Variants in RIOK1 observed in about 807,000 individuals in gnomAD.
The protein encoded by RIOK1 is serine/threonine-protein kinase RIO1.
Under a neutral mutation model 73.5 loss-of-function variants are expected in RIOK1, and 66 were observed. The ratio of observed to expected loss-of-function variants is 0.90; its 90% CI spans 0.74 to 1.10. The LOEUF (loss-of-function observed/expected upper bound fraction) is 1.10, where lower values mean the gene tolerates loss of function less well. RIOK1 is among the 50% of genes least tolerant of loss of function. RIOK1 has a pLI of 0.00. For missense variants in RIOK1, 658 were observed against 699.8 expected (o/e 0.94, Z 0.67); for synonymous variants, 224 against 226.8 (o/e 0.99, Z 0.11).
intron 13 of RIOK1, among the ~76,000 whole-genome samples, 170 bp from the exon 14 acceptor site, chr6:7,411,162 G>A (rs994554342): frequency 2.0e-5 from 3 of 152,004 alleles, no homozygotes; most frequent in Non-Finnish European, 4.4e-5. Flanking sequence ...GTTACTTTTG[G>A]GACACCACAT....
intron 9 of RIOK1, among the ~76,000 whole-genome samples, 192 bp downstream of exon 9, chr6:7,404,219 C>A (rs529558178): frequency 1.3e-5 from 2 of 152,170 alleles, no homozygotes; most frequent in East Asian, 3.9e-4. Context: ...GCAAGTTAGT[C>A]CTGTGTTGGA....
intron 5 of RIOK1, 124 bp from the exon 6 acceptor site, chr6:7,400,834 T>G (rs1761593554): frequency 1.7e-6 from 1 of 589,022 alleles, no homozygotes; most frequent in Admixed American, 3.5e-5. Context: ...ATAGTGACTC[T>G]CATTTAGTCA....
intron 3 of RIOK1, among the ~76,000 whole-genome samples, chr6:7,396,460 A>G (rs530608117): frequency 1.3e-5 from 2 of 152,358 alleles, no homozygotes; most frequent in African/African-American, 4.8e-5. Flanking sequence ...TTCTGCATCT[A>G]GAATTCTGTG....
intron 15 of RIOK1, 107 bp from the exon 16 acceptor site, chr6:7,414,131 A>G (rs548942475): frequency 2.1e-6 from 2 of 964,150 alleles, no homozygotes; most frequent in South Asian, 3.6e-5. Flanking sequence ...TTTTTAACAT[A>G]TATTTGCGAG....
intron 10 of RIOK1, 66 bp downstream of exon 10, chr6:7,404,621 AAATCCC>A: frequency 6.4e-7 from 1 of 1,560,684 alleles, no homozygotes; most frequent in South Asian, 1.1e-5. Context: ...ATGATAAACA[AAATCCC>A]AATCCAAGAA....
intron 15 of RIOK1, among the ~76,000 whole-genome samples, chr6:7,413,706 T>C (rs1189753444): frequency 6.6e-6 from 1 of 152,204 alleles, no homozygotes; most frequent in East Asian, 1.9e-4. Flanking sequence ...TCTAAAGATC[T>C]GTTTTTTTCT....
At chr6:7,406,754 G>A (rs985184079) in intron 12 of RIOK1, among the ~76,000 whole-genome samples, 2 of 152,128 alleles carry the variant, frequency 1.3e-5, no homozygotes, top group Non-Finnish European at 2.9e-5. Flanking sequence ...TCTGCCTTCG[G>A]GTTCAAGCAA....
rs183982747 is a variant in RIOK1 at position 7,399,501 on chromosome 6, A to C, written c.480+761A>C. Among the ~76,000 whole-genome samples the C allele has an allele frequency of 2.7e-4, 41 of 152,322 alleles. 1 individual carries two copies. Among genetic ancestry groups the C allele is most frequent in the Non-Finnish European group, 5.4e-4 (37 of 68,036 alleles). Reference sequence around the variant, plus strand: ...GCCTTAAGTTTCAAAGACCCTAAATAACTTTAGGGTTATTTTTGGCAGGAA... The same window carrying C: ...GCCTTAAGTTTCAAAGACCCTAAATCACTTTAGGGTTATTTTTGGCAGGAA... On this transcript the variant is annotated intron_variant, in intron 5 of 16. Coordinates refer to ENST00000379834, the MANE Select transcript of RIOK1 (RefSeq NM_031480.3).
At chr6:7,392,893 T>C (rs1264464445) in intron 1 of RIOK1, 1 of 983,776 alleles carries the variant, frequency 1.0e-6, no homozygotes, top group African/African-American at 1.7e-5. Flanking sequence ...GCTTTGGGCA[T>C]GGAGAATGAG....
intron 5 of RIOK1, 31 bp downstream of exon 5, chr6:7,398,771 T>G: frequency 6.5e-7 from 1 of 1,547,282 alleles, no homozygotes; most frequent in Non-Finnish European, 8.9e-7. Context: ...AAACTCTTCT[T>G]TTTAATTAGC....
At position 7,402,913 on chromosome 6, in the gene RIOK1, G is replaced by A. The variant is rs767805905; in HGVS notation, c.767+16G>A. ...ACTTAATCAGGTGACTGTCTGGGAT[G>A]TGTGTATGTCTGTCCTATGCCCTGT... is the stretch of plus-strand genomic sequence containing the variant. On this transcript the variant is annotated intron_variant, in intron 8 of 16. Coordinates refer to ENST00000379834, the MANE Select transcript of RIOK1 (RefSeq NM_031480.3). The A allele has an allele frequency of 9.3e-6, 15 of 1,610,806 alleles. No individual in the cohort carries two copies. Among genetic ancestry groups the A allele is most frequent in the Admixed American group, 3.3e-5 (2 of 59,948 alleles).
At chr6:7,397,664 G>A (rs1761505825) in intron 4 of RIOK1, among the ~76,000 whole-genome samples, 1 of 152,152 alleles carries the variant, frequency 6.6e-6, no homozygotes, top group African/African-American at 2.4e-5. Flanking sequence ...CCAATTTATT[G>A]CTATGTCCAA....
At chr6:7,397,965 T>C (rs1043449093) in intron 4 of RIOK1, among the ~76,000 whole-genome samples, 14 of 151,890 alleles carry the variant, frequency 9.2e-5, no homozygotes, top group Admixed American at 5.9e-4. Flanking sequence ...CAAGGTGAAA[T>C]CCTGTCTCTA....
chr6:7,398,097 G>A (rs1311954149), intron 4 of RIOK1, among the ~76,000 whole-genome samples: 3 of 152,188 alleles, frequency 2.0e-5, no homozygotes, highest in South Asian at 2.1e-4. Context: ...AGCCGAGATC[G>A]TGCCACTGCA....
At chr6:7,401,465 G>A (rs1761610313) in intron 6 of RIOK1, among the ~76,000 whole-genome samples, 1 of 152,082 alleles carries the variant, frequency 6.6e-6, no homozygotes, top group African/African-American at 2.4e-5. Flanking sequence ...CAGCTTGAAG[G>A]AAACTCTTAC....
chr6:7,400,019 G>T (rs978154726), intron 5 of RIOK1, among the ~76,000 whole-genome samples: 1 of 152,150 alleles, frequency 6.6e-6, no homozygotes, highest in Non-Finnish European at 1.5e-5. Flanking sequence ...GTTATTGGTT[G>T]GTATCCTTAG....
chr6:7,398,564 C>A (rs1379625276), intron 4 of RIOK1, 134 bp from the exon 5 acceptor site: 2 of 651,052 alleles, frequency 3.1e-6, no homozygotes, highest in Non-Finnish European at 5.4e-6. Flanking sequence ...GAAAAATCTA[C>A]AATCATATCA....
At chr6:7,401,096 G>GGTATCTGAA in intron 6 of RIOK1, 46 bp downstream of exon 6, 1 of 1,256,012 alleles carries the variant, frequency 8.0e-7, no homozygotes, top group African/African-American at 1.5e-5. Context: ...TCTTATTTCA[G>GGTATCTGAA]ATACCAGATG....
chr6:7,408,969 C>T (rs955378831), intron 12 of RIOK1, among the ~76,000 whole-genome samples: 1 of 152,000 alleles, frequency 6.6e-6, no homozygotes, highest in Non-Finnish European at 1.5e-5. Flanking sequence ...GATCCATCCG[C>T]CTCGGCCTCC....
Sources: allele counts gnomAD v4.1 joint callset (sites outside exome capture counted in the v4.1 genomes callset), GRCh38; gene constraint gnomAD v4.1.1; transcripts MANE v1.5; gene names NCBI Gene and HGNC (gene_info 2026-07-23, HGNC 2026-07-21).